CAMK2B: variants seen among roughly 807,000 people sequenced by gnomAD.
CAMK2B encodes the protein calcium/calmodulin dependent protein kinase II beta, also known as calcium/calmodulin-dependent protein kinase type II subunit beta.
A neutral mutation model predicts 93.7 loss-of-function variants in CAMK2B; 27 were observed. The ratio of observed to expected loss-of-function variants is 0.29; its 90% CI spans 0.21 to 0.40. CAMK2B has a LOEUF of 0.40. Ranked by LOEUF, CAMK2B falls within the 10% of genes least tolerant of loss-of-function variation. The pLI, the probability that CAMK2B is intolerant of heterozygous loss-of-function variation, is 1.00. For synonymous variants in CAMK2B, 374 were observed against 358.8 expected, an observed-to-expected ratio of 1.04 and a Z score of -0.48; for missense variants, 568 against 895.8, an observed-to-expected ratio of 0.63 and a Z score of 4.67.
At position 44,248,034 on chromosome 7, in the gene CAMK2B, GA is replaced by G. The variant is rs1279248186; in HGVS notation, c.342-843del. 6.6e-6 allele frequency among the ~76,000 whole-genome samples: 1 copy of G among 151,964 alleles called. No individual in the cohort carries two copies. The highest frequency in any genetic ancestry group is 1.5e-5 in the Non-Finnish European group (1 of 67,944). ...ACAGAGGGAGAGTCCATCTCAAAAA[GA>G]AAAAAATAAAAAGTGAAACCCAAGC... On this transcript the variant is annotated intron_variant, in intron 5 of 23. Coordinates refer to ENST00000395749, the MANE Select transcript of CAMK2B (RefSeq NM_001220.5). The surrounding 1 kb of genome is among the most constrained non-coding windows in gnomAD (Gnocchi z 4.1).
Position 44,311,616 on chromosome 7 carries a change from CCCG to C in CAMK2B, c.65+13738_65+13740del, listed in dbSNP as rs1793572320. On this transcript the variant is annotated intron_variant, in intron 1 of 23. Coordinates refer to ENST00000395749, the MANE Select transcript of CAMK2B (RefSeq NM_001220.5). The surrounding 1 kb of genome is among the most constrained non-coding windows in gnomAD (Gnocchi z 4.2). Reference sequence around the variant, plus strand: ...CTCTCAGGGCTCTCCCAGCCCCAGCCCCGGGTACCCAGAGGGGCTGTCCTGCCC... The same window carrying C: ...CTCTCAGGGCTCTCCCAGCCCCAGCCGGTACCCAGAGGGGCTGTCCTGCCC... Among the ~76,000 whole-genome samples, 2 of 152,218 alleles carry C rather than the reference CCCG, an allele frequency of 1.3e-5. No individual in the cohort carries two copies. The highest frequency in any genetic ancestry group is 2.9e-5 in the Non-Finnish European group (2 of 68,026).
chr7:44,269,674 C>T (rs2096954829), intron 2 of CAMK2B, among the ~76,000 whole-genome samples: 1 of 152,150 alleles, frequency 6.6e-6, no homozygotes, highest in African/African-American at 2.4e-5. Context: ...GAGGACACTG[C>T]AGGGCACTGG....
chr7:44,225,719 G>A lies in CAMK2B; in HGVS notation c.1597+797C>T, dbSNP rs2096467148. ...GCAGCCCCCAGGCCCAGCCTGCAGA[G>A]GGGACGGTGGCAAGCAGACCCCACC... On this transcript the variant is annotated intron_variant, in intron 20 of 23. Transcript: ENST00000395749. This position sits in a 1 kb window ranked among gnomAD's most constrained non-coding sequence, Gnocchi z 5.0. The A allele has an allele frequency of 7.8e-7, 1 of 1,288,480 alleles. No individual in the cohort carries two copies. Among genetic ancestry groups the A allele is most frequent in the African/African-American group, 1.5e-5 (1 of 65,790 alleles). 79.8% of individuals were successfully genotyped at this position (1,288,480 alleles called of 1,614,324 possible).
chr7:44,274,321 G>C (rs1362227764), intron 2 of CAMK2B, among the ~76,000 whole-genome samples: 1 of 152,148 alleles, frequency 6.6e-6, no homozygotes, highest in Non-Finnish European at 1.5e-5. Flanking sequence ...GCCCACAGGG[G>C]AGACACACAA....
At chr7:44,315,778 A>G (rs4530946) in intron 1 of CAMK2B, among the ~76,000 whole-genome samples, 31,409 of 152,098 alleles carry the variant, frequency 0.21, 4,078 homozygotes, top group Middle Eastern at 0.31. Flanking sequence ...CAAGTCTTGT[A>G]CTTCTTTTAT....
At chr7:44,250,435 G>A (rs1014604006) in intron 5 of CAMK2B, among the ~76,000 whole-genome samples, 12 of 151,786 alleles carry the variant, frequency 7.9e-5, no homozygotes, top group East Asian at 1.9e-4. Context: ...CATTTGGGAC[G>A]TTATTCTCAG....
chr7:44,237,991 C>A (rs564732901), intron 13 of CAMK2B, among the ~76,000 whole-genome samples: 2 of 152,190 alleles, frequency 1.3e-5, no homozygotes, highest in Admixed American at 1.3e-4. Context: ...ACTCGACAGA[C>A]GGGGTCTCTC....
chr7:44,234,749 T>G, intron 13 of CAMK2B, 73 bp from the exon 14 acceptor site: 1 of 1,490,364 alleles, frequency 6.7e-7, no homozygotes, highest in Non-Finnish European at 9.3e-7. Flanking sequence ...CCCACCCCTT[T>G]GCCTGACCCC....
At chr7:44,223,095 C>T (rs1052988840) in intron 20 of CAMK2B, among the ~76,000 whole-genome samples, 1 of 152,138 alleles carries the variant, frequency 6.6e-6, no homozygotes, top group African/African-American at 2.4e-5. Flanking sequence ...ATAAGCAGGA[C>T]GGCATGTGAA....
At chr7:44,299,261 C>T (rs112636776) in intron 1 of CAMK2B, among the ~76,000 whole-genome samples, 348 of 152,294 alleles carry the variant, frequency 2.3e-3, no homozygotes, top group African/African-American at 7.9e-3. Flanking sequence ...GAGGACATTA[C>T]GCTAAGTGAA....
At chr7:44,240,799 C>T (rs1041492130) in intron 11 of CAMK2B, 50 bp from the exon 12 acceptor site, 4 of 1,588,758 alleles carry the variant, frequency 2.5e-6, no homozygotes, top group Admixed American at 1.7e-5. Flanking sequence ...GTGTTCCCTG[C>T]TGGCTTCTGG....
At chr7:44,261,226 A>G (rs897115484) in intron 3 of CAMK2B, among the ~76,000 whole-genome samples, 3 of 152,170 alleles carry the variant, frequency 2.0e-5, no homozygotes, top group Non-Finnish European at 2.9e-5. Flanking sequence ...ACTCCTTTCC[A>G]GTGGGGGCTG....
intron 13 of CAMK2B, among the ~76,000 whole-genome samples, chr7:44,237,350 G>A (rs2096635685): frequency 6.6e-6 from 1 of 152,206 alleles, no homozygotes; most frequent in African/African-American, 2.4e-5. Flanking sequence ...TAAAAAGACA[G>A]AAGTTCACAG....
At chr7:44,235,634 C>G (rs77475460) in intron 13 of CAMK2B, among the ~76,000 whole-genome samples, 1 of 152,234 alleles carries the variant, frequency 6.6e-6, no homozygotes, top group Admixed American at 6.5e-5. Flanking sequence ...CGCAAGACTG[C>G]GGGCCCAGGA....
chr7:44,309,465 C>T (rs1792884714), intron 1 of CAMK2B, among the ~76,000 whole-genome samples: 1 of 152,220 alleles, frequency 6.6e-6, no homozygotes, highest in African/African-American at 2.4e-5. Flanking sequence ...CCCCATCTCC[C>T]TCCTGCACGT....
chr7:44,258,782 A>T (rs2129026395), intron 4 of CAMK2B, 90 bp downstream of exon 4: 1 of 1,170,836 alleles, frequency 8.5e-7, no homozygotes, highest in Non-Finnish European at 1.3e-6. Context: ...ACGGGTAGGG[A>T]CTATTCCCTG....
intron 1 of CAMK2B, among the ~76,000 whole-genome samples, chr7:44,305,378 G>T (rs986466866): frequency 6.6e-6 from 1 of 152,208 alleles, no homozygotes; most frequent in African/African-American, 2.4e-5. Context: ...CAGCACTTTG[G>T]GAGGCCAAGG....
intron 1 of CAMK2B, among the ~76,000 whole-genome samples, chr7:44,300,344 TAGAGACAC>T (rs1361856171): frequency 4.6e-5 from 7 of 152,046 alleles, no homozygotes; most frequent in Non-Finnish European, 7.4e-5. Context: ...CTATATATAG[TAGAGACAC>T]GGTGTTGCTA....
intron 11 of CAMK2B, 70 bp downstream of exon 11, chr7:44,241,630 C>T (rs1382629098): frequency 1.5e-5 from 19 of 1,244,360 alleles, no homozygotes; most frequent in Admixed American, 6.9e-5. Flanking sequence ...CCCCCCAAGG[C>T]CCCCCTGCTC....
Sources: allele counts gnomAD v4.1 joint callset (sites outside exome capture counted in the v4.1 genomes callset), GRCh38; gene constraint gnomAD v4.1.1; non-coding constraint Gnocchi (gnomAD v3.1); transcripts MANE v1.5; gene names NCBI Gene and HGNC (gene_info 2026-07-23, HGNC 2026-07-21).